ERCC6: variants seen among roughly 807,000 people sequenced by gnomAD.
ERCC6 encodes DNA excision repair protein ERCC-6.
ERCC6 carries 116 observed loss-of-function variants against 158.7 expected under a neutral mutation model. The observed-to-expected ratio is 0.73, with a 90% CI of 0.63 to 0.85. The LOEUF is 0.85. ERCC6 is among the 40% of genes least tolerant of loss of function. The pLI is 0.00. For synonymous variants in ERCC6, 678 were observed against 659.3 expected, an observed-to-expected ratio of 1.03 and a Z score of -0.43; for missense variants, 1,698 against 1,799.4, an observed-to-expected ratio of 0.94 and a Z score of 1.02.
intron 5 of ERCC6, among the ~76,000 whole-genome samples, chr10:49,523,055 C>T (rs4253054): frequency 0.011 from 1,623 of 152,258 alleles, 34 homozygotes; most frequent in African/African-American, 0.037. Context: ...AGAAAAAACA[C>T]CAGGTCAACC....
chr10:49,449,124 A>G, the ERCC6 span, among the ~76,000 whole-genome samples: 1 of 152,278 alleles, frequency 6.6e-6, no homozygotes. Context: ...ATCTCTCTAC[A>G]ATCTCTTGTC....
chr10:49,449,005 A>AT, the ERCC6 span, among the ~76,000 whole-genome samples: 3 of 152,234 alleles, frequency 2.0e-5, no homozygotes, highest in African/African-American at 7.2e-5. Context: ...TAGGAGAGGA[A>AT]TTTCTAGGTC....
At chr10:49,536,321 A>C (rs532339913) in intron 1 of ERCC6, among the ~76,000 whole-genome samples, 1 of 152,146 alleles carries the variant, frequency 6.6e-6, no homozygotes, top group Non-Finnish European at 1.5e-5. Flanking sequence ...GAACTAGGGC[A>C]AGAAAAACTA....
intron 3 of ERCC6, 50 bp downstream of exon 3, chr10:49,530,670 T>G (rs1837447707): frequency 6.2e-7 from 1 of 1,604,098 alleles, no homozygotes; most frequent in Admixed American, 1.7e-5. Flanking sequence ...TAAGTGCCCC[T>G]AAATGATGAC....
chr10:49,474,337 A>C, intron 12 of ERCC6, 95 bp from the exon 13 acceptor site: 1 of 918,994 alleles, frequency 1.1e-6, no homozygotes, highest in South Asian at 1.3e-5. Context: ...CACAGACTAA[A>C]AAACAGTTCT....
At chr10:49,537,944 A>C (rs575858508) in intron 1 of ERCC6, among the ~76,000 whole-genome samples, 8 of 152,272 alleles carry the variant, frequency 5.3e-5, no homozygotes, top group African/African-American at 1.9e-4. Flanking sequence ...CTGGTCTCGA[A>C]CTCCTGACCT....
chr10:49,444,327 G>T, the ERCC6 span, among the ~76,000 whole-genome samples: 68,168 of 152,036 alleles, frequency 0.45, 15,743 homozygotes, highest in Non-Finnish European at 0.5. Context: ...TGGAGGCAGT[G>T]TAGGATCCAC....
chr10:49,478,476 A>G lies in ERCC6; in HGVS notation c.2170-6T>C, dbSNP rs1462023343. 9 of 1,540,318 alleles carry G rather than the reference A, an allele frequency of 5.8e-6. No individual in the cohort carries two copies. Among genetic ancestry groups the G allele is most frequent in the African/African-American group, 5.4e-5 (4 of 73,582 alleles). On this transcript the variant is annotated splice_region_variant and splice_polypyrimidine_tract_variant and intron_variant, in intron 10 of 20. Transcript: ENST00000355832. ...CACTTGTAAGCAGTTTTGACCTTTAATAAGAGCAGAGAAGGGAACATTACT... is the reference window on the plus strand; with the variant it reads ...CACTTGTAAGCAGTTTTGACCTTTAGTAAGAGCAGAGAAGGGAACATTACT...
At chr10:49,442,398 T>A in the ERCC6 span, among the ~76,000 whole-genome samples, 1 of 152,168 alleles carries the variant, frequency 6.6e-6, no homozygotes, top group Admixed American at 6.5e-5. Context: ...GGATCAATGG[T>A]GGTGGCCAAT....
At chr10:49,459,268 A>G in intron 20 of ERCC6, 34 bp from the exon 21 acceptor site, 2 of 1,608,008 alleles carry the variant, frequency 1.2e-6, no homozygotes, top group South Asian at 2.2e-5. Flanking sequence ...TGATATATTT[A>G]ATTTCTAGTT....
At chr10:49,462,811 G>T (rs1046991995) in intron 18 of ERCC6, among the ~76,000 whole-genome samples, 3 of 152,200 alleles carry the variant, frequency 2.0e-5, no homozygotes, top group African/African-American at 4.8e-5. Context: ...AATTAAAAGT[G>T]TAACACCACA....
chr10:49,452,137 T>C (rs1850427615), downstream of ERCC6, among the ~76,000 whole-genome samples: 1 of 151,864 alleles, frequency 6.6e-6, no homozygotes, highest in South Asian at 2.1e-4. Context: ...ATTTCCTTCC[T>C]TCTGCTTGCT....
chr10:49,524,517 G>A lies in ERCC6; in HGVS notation c.913C>T (p.Pro305Ser), dbSNP rs764295401. Residue 305 changes from proline to serine, a missense_variant, in exon 5 of 21, where the codon CCA (proline) becomes TCA (serine). By Grantham distance (74) the Pro-to-Ser change is moderately conservative. Coordinates refer to ENST00000355832, the MANE Select transcript of ERCC6 (RefSeq NM_000124.4). The part of the protein sequence containing the change: ...ARKAPAPVTP[P>S]APVQNKNKPN... ...TTGTTTTTATTTTGCACTGGGGCTGGAGGCGTGACTGGGGCTGGAGCTTTT... is the reference window on the plus strand; with the variant it reads ...TTGTTTTTATTTTGCACTGGGGCTGAAGGCGTGACTGGGGCTGGAGCTTTT... 1.3e-5 allele frequency: 21 copies of A among 1,614,058 alleles called. No individual in the cohort carries two copies. The highest frequency in any genetic ancestry group is 3.4e-6 in the Non-Finnish European group (4 of 1,180,012).
At chr10:49,538,443 G>A (rs2132650354) in intron 1 of ERCC6, among the ~76,000 whole-genome samples, 1 of 152,326 alleles carries the variant, frequency 6.6e-6, no homozygotes, top group Admixed American at 6.5e-5. Context: ...GCAACAAGAA[G>A]ATGATGGGAA....
the ERCC6 span, among the ~76,000 whole-genome samples, chr10:49,445,708 C>G: frequency 1.3e-5 from 2 of 152,272 alleles, no homozygotes; most frequent in African/African-American, 4.8e-5. Context: ...TAGCTGAGAT[C>G]TTAGCAAAGT....
intron 3 of ERCC6, among the ~76,000 whole-genome samples, 200 bp from the exon 4 acceptor site, chr10:49,528,725 A>C (rs1460645995): frequency 1.4e-4 from 21 of 152,224 alleles, no homozygotes; most frequent in Non-Finnish European, 2.9e-5. Context: ...AGGGGCCGTG[A>C]ATATTCCCAG....
intron 18 of ERCC6, among the ~76,000 whole-genome samples, chr10:49,462,864 A>C (rs542122843): frequency 2.5e-4 from 38 of 152,348 alleles, no homozygotes; most frequent in African/African-American, 8.7e-4. Context: ...TGACAATTCA[A>C]ATTGATCTAA....
At position 49,534,149 on chromosome 10, in the gene ERCC6, A is replaced by C. The variant is rs113493440; in HGVS notation, c.-14-1171T>G. Reference sequence around the variant, plus strand: ...ACTCAATCTCAAAAAAAAAAAAAAAAAAAAACAAAAAAAAAACTCCATTTT... The same window carrying C: ...ACTCAATCTCAAAAAAAAAAAAAAACAAAAACAAAAAAAAAACTCCATTTT... On this transcript the variant is annotated intron_variant, in intron 1 of 20. Coordinates refer to ENST00000355832, the MANE Select transcript of ERCC6 (RefSeq NM_000124.4). Among the ~76,000 whole-genome samples the C allele has an allele frequency of 1.7e-3, 240 of 144,920 alleles. 1 individual carries two copies. Among genetic ancestry groups the C allele is most frequent in the South Asian group, 3.8e-3 (17 of 4,508 alleles).
intron 15 of ERCC6, 132 bp from the exon 16 acceptor site, chr10:49,472,602 A>G: frequency 1.1e-6 from 1 of 908,448 alleles, no homozygotes; most frequent in Non-Finnish European, 1.8e-6. Flanking sequence ...CGTCAAGTAC[A>G]CCTAAGGCCT....
Sources: gnomAD v4.1 joint callset for allele counts (sites outside exome capture counted in the v4.1 genomes callset) on GRCh38, gnomAD v4.1.1 for gene constraint, MANE v1.5 for transcripts, NCBI Gene and HGNC (gene_info 2026-07-23, HGNC 2026-07-21) for gene names.